SGPP2: variants seen among roughly 807,000 people sequenced by gnomAD.
SGPP2 encodes sphingosine-1-phosphate phosphatase 2.
SGPP2 carries 30 observed loss-of-function variants against 33.9 expected under a neutral mutation model. The observed-to-expected ratio is 0.89, with a 90% CI of 0.66 to 1.20. The LOEUF (loss-of-function observed/expected upper bound fraction) is 1.20. SGPP2 is among the 50% of genes most tolerant of loss of function. The pLI is 0.00. For missense variants in SGPP2, 458 were observed against 532.1 expected (o/e 0.86, Z 1.37); for synonymous variants, 233 against 225.0 (o/e 1.04, Z -0.32).
At chr2:222,529,615 A>G (rs749804271) in intron 4 of SGPP2, among the ~76,000 whole-genome samples, 5 of 152,188 alleles carry the variant, frequency 3.3e-5, no homozygotes, top group Non-Finnish European at 7.3e-5. Context: ...GATTACAGGC[A>G]TGAGCCACTG....
chr2:222,543,830 T>C (rs1689131092), intron 4 of SGPP2, among the ~76,000 whole-genome samples: 1 of 152,242 alleles, frequency 6.6e-6, no homozygotes, highest in Non-Finnish European at 1.5e-5. Context: ...TATTCTTGTA[T>C]TCTCATATAA....
At chr2:222,436,006 G>A (rs1697234146) in intron 1 of SGPP2, among the ~76,000 whole-genome samples, 1 of 152,184 alleles carries the variant, frequency 6.6e-6, no homozygotes, top group Admixed American at 6.5e-5. Flanking sequence ...TAATCACAGG[G>A]AATGGTAATA....
rs1387401890 is a variant in SGPP2 at position 222,521,556 on chromosome 2, C to A, written c.379-211C>A. On this transcript the variant is annotated intron_variant, in intron 2 of 4. Transcript: ENST00000321276. The stretch of plus-strand genomic sequence containing the variant: ...AATAATATATGCATTAATGTCATAT[C>A]TTAGTTGCTCAGTGGTCCTATGGAA... Among the ~76,000 whole-genome samples, 3 of 152,200 alleles carry A rather than the reference C, an allele frequency of 2.0e-5. No individual in the cohort carries two copies. In the East Asian group the frequency reaches 5.8e-4, roughly 29 times the overall value.
chr2:222,428,029 C>T (rs1697097751), intron 1 of SGPP2, among the ~76,000 whole-genome samples: 1 of 152,216 alleles, frequency 6.6e-6, no homozygotes, highest in Non-Finnish European at 1.5e-5. Context: ...AGGATATCCA[C>T]ACAGTCAGGG....
At chr2:222,461,952 C>T (rs1268278683) in intron 1 of SGPP2, among the ~76,000 whole-genome samples, 5 of 152,144 alleles carry the variant, frequency 3.3e-5, no homozygotes, top group African/African-American at 1.2e-4. Flanking sequence ...GTATAGAGAA[C>T]TTGGCTTTAC....
In SGPP2 at chr2:222,424,829, T is replaced by C; in HGVS notation, c.219+8T>C. On this transcript the variant is annotated splice_region_variant and intron_variant, in intron 1 of 4. Transcript: ENST00000321276. ...AGAGCCGCGGCGCCGGAGGTAACCA[T>C]GGGCAGGTGTTCGCCGGGTACGGGG... The C allele has an allele frequency of 1.5e-6, 2 of 1,346,462 alleles. No homozygotes were observed. Among genetic ancestry groups the C allele is most frequent in the Non-Finnish European group, 1.9e-6 (2 of 1,051,626 alleles). 83.4% of individuals were successfully genotyped at this position (1,346,462 alleles called of 1,614,324 possible). A position where few individuals can be genotyped will look rare whatever the true frequency, so the allele number is the denominator to read the frequency against.
intron 2 of SGPP2, among the ~76,000 whole-genome samples, chr2:222,475,014 T>G (rs1158609988): frequency 4.6e-5 from 7 of 152,192 alleles, no homozygotes; most frequent in African/African-American, 1.2e-4. Context: ...ATTCTAATCT[T>G]GTGGCCTTTC....
intron 1 of SGPP2, among the ~76,000 whole-genome samples, chr2:222,442,790 G>T (rs1697346177): frequency 6.6e-6 from 1 of 152,050 alleles, no homozygotes; most frequent in Non-Finnish European, 1.5e-5. Context: ...CTAATATAAT[G>T]GTGTAACATT....
At chr2:222,446,429 C>T (rs1697400329) in intron 1 of SGPP2, among the ~76,000 whole-genome samples, 1 of 152,156 alleles carries the variant, frequency 6.6e-6, no homozygotes, top group Admixed American at 6.5e-5. Flanking sequence ...AACAGTCGAT[C>T]CGAGTACCCA....
intron 2 of SGPP2, among the ~76,000 whole-genome samples, chr2:222,489,665 A>G (rs1210579250): frequency 6.6e-6 from 1 of 152,134 alleles, no homozygotes; most frequent in Admixed American, 6.5e-5. Flanking sequence ...TGAAAGGATT[A>G]AATTATTAAA....
chr2:222,556,355 T>G (rs955379615), intron 4 of SGPP2, among the ~76,000 whole-genome samples: 4 of 151,916 alleles, frequency 2.6e-5, no homozygotes, highest in Non-Finnish European at 4.4e-5. Flanking sequence ...GGAGGGGAAC[T>G]GAAGTGCGTA....
intron 2 of SGPP2, among the ~76,000 whole-genome samples, chr2:222,493,848 G>T (rs1264763460): frequency 6.6e-6 from 1 of 152,114 alleles, no homozygotes; most frequent in Non-Finnish European, 1.5e-5. Context: ...TGGCCCAACA[G>T]ACCAAACCAA....
intron 1 of SGPP2, among the ~76,000 whole-genome samples, chr2:222,436,872 G>A (rs1254984900): frequency 6.6e-6 from 1 of 152,184 alleles, no homozygotes; most frequent in African/African-American, 2.4e-5. Context: ...CTCAGTGTTG[G>A]TCTCTGCTGC....
rs1697723861 is a variant in SGPP2, at chr2:222,465,013, T to C, written c.220-9555T>C. 6.6e-6 allele frequency among the ~76,000 whole-genome samples: 1 copy of C among 152,216 alleles called. No homozygotes were observed. The highest frequency in any genetic ancestry group is 6.5e-5 in the Admixed American group (1 of 15,282). ...CAAGAGGAAAACAGTTCAAATTGTG[T>C]AAAAGACTACAACTGAAATTCCACT... is the stretch of plus-strand genomic sequence containing the variant. On this transcript the variant is annotated intron_variant, in intron 1 of 4. Coordinates refer to ENST00000321276, the MANE Select transcript of SGPP2 (RefSeq NM_152386.4). The surrounding 1 kb of genome is among the most constrained non-coding windows in gnomAD (Gnocchi z 4.1).
chr2:222,498,199 A>T (rs116813503), intron 2 of SGPP2: 35 of 152,288 alleles, frequency 2.3e-4, no homozygotes, highest in African/African-American at 7.9e-4. Flanking sequence ...TACTTCACTG[A>T]TTAAGACTTG....
rs191952019 is a variant in SGPP2, at chr2:222,500,897, G to A, written c.379-20870G>A. 9.4e-4 allele frequency among the ~76,000 whole-genome samples: 143 copies of A among 152,320 alleles called. 1 individual carries two copies. The highest frequency in any genetic ancestry group is 1.8e-3 in the Non-Finnish European group (122 of 68,030). ...AAATGGTGCTTCCCCCTACGTGTGTGCAGTTGTTCTAGCGTGAGGAAATAG... is the reference window on the plus strand; with the variant it reads ...AAATGGTGCTTCCCCCTACGTGTGTACAGTTGTTCTAGCGTGAGGAAATAG... On this transcript the variant is annotated intron_variant, in intron 2 of 4. Coordinates refer to ENST00000321276, the MANE Select transcript of SGPP2 (RefSeq NM_152386.4).
At chr2:222,439,740 G>A (rs1162087829) in intron 1 of SGPP2, among the ~76,000 whole-genome samples, 2 of 152,128 alleles carry the variant, frequency 1.3e-5, no homozygotes, top group African/African-American at 4.8e-5. Context: ...TCTTGAAATG[G>A]CAAAATTATA....
chr2:222,462,215 C>T (rs1697672700), intron 1 of SGPP2, among the ~76,000 whole-genome samples: 1 of 152,064 alleles, frequency 6.6e-6, no homozygotes, highest in African/African-American at 2.4e-5. Context: ...ACATGGTCAA[C>T]ACATATGCTT....
intron 2 of SGPP2, among the ~76,000 whole-genome samples, chr2:222,509,626 GCTT>G (rs1350059902): frequency 6.6e-6 from 1 of 152,202 alleles, no homozygotes; most frequent in East Asian, 1.9e-4. Flanking sequence ...CTAATAGTTT[GCTT>G]CTTCTTCTAT....
Sources: gnomAD v4.1 joint callset for allele counts (sites outside exome capture counted in the v4.1 genomes callset) on GRCh38, gnomAD v4.1.1 for gene constraint, Gnocchi (gnomAD v3.1) non-coding constraint, MANE v1.5 for transcripts, NCBI Gene and HGNC (gene_info 2026-07-23, HGNC 2026-07-21) for gene names.